SPHKAP: variants seen among roughly 807,000 people sequenced by gnomAD.
SPHKAP encodes SPHK1 interactor, AKAP domain containing.
Under a neutral mutation model 137.5 loss-of-function variants are expected in SPHKAP, and 67 were observed. The observed-to-expected ratio is 0.49, with a 90% CI of 0.40 to 0.60. The LOEUF is 0.60. SPHKAP is among the 20% of genes least tolerant of loss of function. The pLI is 0.00. For missense variants in SPHKAP, 2,097 were observed against 2,069.3 expected (o/e 1.01, Z -0.26); for synonymous variants, 813 against 785.3 (o/e 1.04, Z -0.59).
At chr2:228,020,803 A>C (rs1694814093) in intron 6 of SPHKAP, among the ~76,000 whole-genome samples, 1 of 152,192 alleles carries the variant, frequency 6.6e-6, no homozygotes. Context: ...CTCAAGAAAA[A>C]TGAATCTGAA....
At chr2:227,986,892 T>C (rs1693231373) in intron 11 of SPHKAP, among the ~76,000 whole-genome samples, 1 of 152,228 alleles carries the variant, frequency 6.6e-6, no homozygotes, top group Non-Finnish European at 1.5e-5. Flanking sequence ...CAATGATCTT[T>C]GGATCTAAAA....
chr2:228,024,624 T>C (rs1694964908), intron 5 of SPHKAP, among the ~76,000 whole-genome samples: 1 of 152,090 alleles, frequency 6.6e-6, no homozygotes, highest in Admixed American at 6.5e-5. Flanking sequence ...AGTTGAAGGA[T>C]AAAAGAAGAC....
At chr2:228,163,805 T>A (rs146715991) in intron 1 of SPHKAP, among the ~76,000 whole-genome samples, 1,566 of 152,292 alleles carry the variant, frequency 0.01, 21 homozygotes, top group Non-Finnish European at 0.018. Flanking sequence ...TAAAATGTCA[T>A]CTTAATGACA....
chr2:227,999,471 T>C (rs1693766406), intron 7 of SPHKAP, among the ~76,000 whole-genome samples: 1 of 152,172 alleles, frequency 6.6e-6, no homozygotes, highest in Non-Finnish European at 1.5e-5. Context: ...AGGAGAAGAT[T>C]CCCAAACCAT....
At chr2:228,041,058 C>T (rs542960556) in intron 3 of SPHKAP, among the ~76,000 whole-genome samples, 5 of 152,060 alleles carry the variant, frequency 3.3e-5, no homozygotes, top group South Asian at 2.1e-4. Context: ...AAAAATAAAG[C>T]GGTAATAGAA....
intron 2 of SPHKAP, among the ~76,000 whole-genome samples, chr2:228,123,245 T>C (rs969538055): frequency 5.9e-5 from 9 of 152,348 alleles, no homozygotes; most frequent in African/African-American, 2.2e-4. Flanking sequence ...AATATCCCCA[T>C]TTCTTCAATG....
At chr2:228,062,964 G>C (rs1696702526) in intron 3 of SPHKAP, among the ~76,000 whole-genome samples, 1 of 152,132 alleles carries the variant, frequency 6.6e-6, no homozygotes, top group African/African-American at 2.4e-5. Flanking sequence ...ACAGATGGTA[G>C]GTTTATTAAA....
chr2:228,075,060 G>T (rs960004366), intron 3 of SPHKAP, among the ~76,000 whole-genome samples: 4 of 152,160 alleles, frequency 2.6e-5, no homozygotes, highest in African/African-American at 9.7e-5. Context: ...AGGGCAGAGG[G>T]TATGTTTAGC....
rs1048625828 is a variant in SPHKAP at position 228,181,435 on chromosome 2, G to A, written c.32+132C>T. ...GGCTGGGCCGGACTTATTTACAAGT[G>A]CAGTGACCCCTGTCTCCTCGCTGGG... On this transcript the variant is annotated intron_variant, in intron 1 of 11. Coordinates refer to ENST00000392056, the MANE Select transcript of SPHKAP (RefSeq NM_001142644.2). This position sits in a 1 kb window ranked among gnomAD's most constrained non-coding sequence, Gnocchi z 4.3. 1.6e-6 allele frequency: 2 copies of A among 1,250,818 alleles called. No individual in the cohort carries two copies. Among genetic ancestry groups the A allele is most frequent in the African/African-American group, 3.0e-5 (2 of 67,602 alleles). The allele number at this position is 1,250,818 out of a possible 1,614,324, so 77.5% of individuals were successfully genotyped here.
At chr2:228,062,004 G>A (rs907523074) in intron 3 of SPHKAP, among the ~76,000 whole-genome samples, 17 of 151,788 alleles carry the variant, frequency 1.1e-4, no homozygotes, top group African/African-American at 3.9e-4. Context: ...GTTTAGTGTG[G>A]AATAGGTTAT....
chr2:228,028,376 C>T (rs779529718), intron 3 of SPHKAP, among the ~76,000 whole-genome samples: 1 of 152,102 alleles, frequency 6.6e-6, no homozygotes, highest in Non-Finnish European at 1.5e-5. Flanking sequence ...ATACAATTTG[C>T]CTCTTTGTTA....
intron 4 of SPHKAP, among the ~76,000 whole-genome samples, chr2:228,026,359 G>A (rs970921388): frequency 2.0e-5 from 3 of 152,058 alleles, no homozygotes; most frequent in African/African-American, 2.4e-5. Flanking sequence ...TGTGTACTAA[G>A]CACTATGCTA....
intron 3 of SPHKAP, among the ~76,000 whole-genome samples, chr2:228,104,258 TATC>T (rs1169644199): frequency 7.7e-6 from 1 of 129,104 alleles, no homozygotes; most frequent in African/African-American, 2.9e-5. Flanking sequence ...ATATTATATA[TATC>T]ATTATATTAT....
At chr2:228,155,819 T>C (rs1231358513) in intron 1 of SPHKAP, among the ~76,000 whole-genome samples, 1 of 152,224 alleles carries the variant, frequency 6.6e-6, no homozygotes, top group Non-Finnish European at 1.5e-5. Flanking sequence ...AGAAATCCTA[T>C]AAATGTAATA....
At chr2:228,014,682 G>A (rs1694499547) in intron 7 of SPHKAP, among the ~76,000 whole-genome samples, 1 of 152,108 alleles carries the variant, frequency 6.6e-6, no homozygotes, top group Non-Finnish European at 1.5e-5. Flanking sequence ...GTCCTCTAAT[G>A]GGGAGCACTG....
At chr2:228,142,471 C>CAAAAAA (rs112561589) in intron 1 of SPHKAP, among the ~76,000 whole-genome samples, 1 of 118,658 alleles carries the variant, frequency 8.4e-6, no homozygotes. Flanking sequence ...GACTCCATCT[C>CAAAAAA]AAAAAAAAAA....
intron 3 of SPHKAP, among the ~76,000 whole-genome samples, chr2:228,049,016 G>T (rs576626481): frequency 5.3e-5 from 8 of 152,074 alleles, no homozygotes; most frequent in Admixed American, 4.6e-4. Flanking sequence ...AGTGTGGGAC[G>T]GTGCTTGAGA....
chr2:228,020,056 A>G lies in SPHKAP; in HGVS notation c.798T>C (p.Tyr266=). ...TGTTGATGTATTTGTCTTCCAAAGC[A>G]TAAAGCCACTTTTCCTTGTTGCAAT... ...EWNCNKEKWL[Y]ALEDKYINKY... Residue 266 remains tyrosine (Y), a synonymous_variant, in exon 7 of 12, where the codon TAT becomes TAC. Transcript: ENST00000392056. 6.2e-7 allele frequency: 1 copy of G among 1,614,218 alleles called. No individual in the cohort carries two copies.
intron 9 of SPHKAP, 56 bp downstream of exon 9, chr2:227,993,478 G>A: frequency 6.8e-7 from 1 of 1,462,894 alleles, no homozygotes; most frequent in Non-Finnish European, 9.4e-7. Flanking sequence ...AAAATGGATT[G>A]CCAGATGGAA....
Sources: allele counts gnomAD v4.1 joint callset (sites outside exome capture counted in the v4.1 genomes callset), GRCh38; gene constraint gnomAD v4.1.1; non-coding constraint Gnocchi (gnomAD v3.1); transcripts MANE v1.5; gene names NCBI Gene and HGNC (gene_info 2026-07-23, HGNC 2026-07-21).